Variants in MINDY4B observed in about 807,000 individuals in gnomAD.
MINDY4B encodes the protein MINDY family member 4B, also known as inactive ubiquitin carboxyl-terminal hydrolase MINDY-4B.
MINDY4B carries 25 observed loss-of-function variants against 16.7 expected under a neutral mutation model. The ratio of observed to expected loss-of-function variants is 1.49; its 90% CI spans 1.09 to 2.09. The LOEUF (loss-of-function observed/expected upper bound fraction) is 2.09. Among genes scored for constraint, MINDY4B ranks in the 30% most tolerant of loss-of-function variants. The pLI is 0.00. For synonymous variants in MINDY4B, 132 were observed against 61.9 expected (o/e 2.13, Z -5.32); for missense variants, 327 against 168.4 (o/e 1.94, Z -5.21).
At chr3:150,901,462 C>CA (rs1180607758) in intron 3 of MINDY4B, 1 of 151,590 alleles carries the variant, frequency 6.6e-6, no homozygotes, top group Non-Finnish European at 1.5e-5. Context: ...GGCATCTGAG[C>CA]AAAAAGAGGA....
At chr3:150,874,005 ATTTT>A (rs558319330) in intron 10 of MINDY4B, among the ~76,000 whole-genome samples, 4 of 81,994 alleles carry the variant, frequency 4.9e-5, no homozygotes, top group African/African-American at 1.9e-4. Flanking sequence ...TTTAGCCTTG[ATTTT>A]TTTTTTTTTT....
chr3:150,884,692 G>A (rs1165589801), intron 8 of MINDY4B, among the ~76,000 whole-genome samples: 2 of 152,152 alleles, frequency 1.3e-5, no homozygotes, highest in African/African-American at 2.4e-5. Context: ...CTGCCGCAGG[G>A]TTGTAATCCT....
intron 8 of MINDY4B, 89 bp from the exon 9 acceptor site, chr3:150,883,861 G>GT: frequency 1.5e-6 from 1 of 684,184 alleles, no homozygotes; most frequent in African/African-American, 1.8e-5. Flanking sequence ...CAAAGCAGCA[G>GT]TAACACGGGC....
At chr3:150,885,671 C>T (rs1275404176) in intron 7 of MINDY4B, among the ~76,000 whole-genome samples, 3 of 152,154 alleles carry the variant, frequency 2.0e-5, no homozygotes, top group Non-Finnish European at 4.4e-5. Context: ...ATCTTTTTGT[C>T]CTGCACTTCT....
chr3:150,873,916 C>T (rs1289021906), intron 10 of MINDY4B, among the ~76,000 whole-genome samples: 1 of 151,440 alleles, frequency 6.6e-6, no homozygotes, highest in African/African-American at 2.4e-5. Context: ...CATATATCTA[C>T]AGGTTAACAT....
At chr3:150,886,270 A>G (rs1345542294) in intron 7 of MINDY4B, among the ~76,000 whole-genome samples, 1 of 152,232 alleles carries the variant, frequency 6.6e-6, no homozygotes, top group African/African-American at 2.4e-5. Flanking sequence ...TGCAGAGTTA[A>G]AACATCTTCA....
At chr3:150,904,568 T>G (rs1278806604) in intron 2 of MINDY4B, among the ~76,000 whole-genome samples, 1 of 152,218 alleles carries the variant, frequency 6.6e-6, no homozygotes, top group Non-Finnish European at 1.5e-5. Context: ...CCTTTTCAGT[T>G]TACATGAGGT....
At position 150,873,481 on chromosome 3, in the gene MINDY4B, G is replaced by A. The variant is rs181927169; in HGVS notation, c.1060-114C>T. ...TCTGAGGTTTCTTGTTGCACTTGTC[G>A]CGTGCAGGGCACTGTACATAGAGCA... is the stretch of plus-strand genomic sequence containing the variant. On this transcript the variant is annotated intron_variant, in intron 10 of 11. Coordinates refer to ENST00000465419, the MANE Select transcript of MINDY4B (RefSeq NM_001351281.2). 6.0e-5 allele frequency: 37 copies of A among 620,390 alleles called. 1 individual carries two copies. Among genetic ancestry groups the A allele is most frequent in the East Asian group, 4.9e-4 (18 of 36,676 alleles). 38.4% of individuals were successfully genotyped at this position (620,390 alleles called of 1,614,324 possible).
chr3:150,884,028 G>A (rs972785716), intron 8 of MINDY4B, among the ~76,000 whole-genome samples: 39 of 152,212 alleles, frequency 2.6e-4, no homozygotes, highest in African/African-American at 9.4e-4. Flanking sequence ...CTGTGTGTGT[G>A]CTCTGGGTGG....
At position 150,873,375 on chromosome 3, in the gene MINDY4B, G is replaced by T; in HGVS notation, c.1060-8C>A. Reference sequence around the variant, plus strand: ...CTTCAGCATGCTGCCCACCTGGAAAGGGGAAGGGGAATGCAGATAAATATA... The same window carrying T: ...CTTCAGCATGCTGCCCACCTGGAAATGGGAAGGGGAATGCAGATAAATATA... On this transcript the variant is annotated splice_region_variant and splice_polypyrimidine_tract_variant and intron_variant, in intron 10 of 11. Coordinates refer to ENST00000465419, the MANE Select transcript of MINDY4B (RefSeq NM_001351281.2). The T allele has an allele frequency of 1.4e-6, 1 of 702,064 alleles. No homozygotes were observed. Among genetic ancestry groups the T allele is most frequent in the South Asian group, 1.5e-5 (1 of 67,382 alleles). The allele number at this position is 702,064 out of a possible 1,614,324, so 43.5% of individuals were successfully genotyped here.
Position 150,894,190 on chromosome 3 carries a change from C to T in MINDY4B, c.425G>A (p.Gly142Glu). 2.9e-6 allele frequency: 2 copies of T among 690,546 alleles called. No homozygotes were observed. Among genetic ancestry groups the T allele is most frequent in the South Asian group, 3.1e-5 (2 of 64,876 alleles). The allele number at this position is 690,546 out of a possible 1,614,324, so 42.8% of individuals were successfully genotyped here. A position where few individuals can be genotyped will look rare whatever the true frequency, so the allele number is the denominator to read the frequency against. Residue 142 changes from glycine (G) to glutamate (E), a missense_variant, in exon 4 of 12, where the codon GGA becomes GAA. By Grantham distance (98) the Gly-to-Glu change is moderately conservative. Transcript: ENST00000465419. ...SSELAFTLEV[G>E]KGGARSIQMA... ...AAATTATAAACTGGCTATTACCTTTCCCACTTCCAGAGTGAAAGCTAGTTC... is the reference window on the plus strand; with the variant it reads ...AAATTATAAACTGGCTATTACCTTTTCCACTTCCAGAGTGAAAGCTAGTTC...
intron 9 of MINDY4B, among the ~76,000 whole-genome samples, 165 bp downstream of exon 9, chr3:150,883,535 C>G (rs1330286936): frequency 1.3e-5 from 2 of 152,088 alleles, no homozygotes; most frequent in East Asian, 3.9e-4. Context: ...TGTCTTCATA[C>G]TCTTTCAAAG....
At chr3:150,878,538 A>G (rs1408003369) in intron 10 of MINDY4B, among the ~76,000 whole-genome samples, 1 of 152,252 alleles carries the variant, frequency 6.6e-6, no homozygotes, top group African/African-American at 2.4e-5. Context: ...GGCAGAATTC[A>G]TAGGTATCTC....
At chr3:150,887,131 G>A (rs1206769660) in intron 7 of MINDY4B, among the ~76,000 whole-genome samples, 1 of 152,152 alleles carries the variant, frequency 6.6e-6, no homozygotes, top group Non-Finnish European at 1.5e-5. Context: ...TCATTATTAA[G>A]TAAAATAAGG....
chr3:150,903,479 ATTTTCTCT>A, intron 2 of MINDY4B, 63 bp from the exon 3 acceptor site: 2 of 398,074 alleles, frequency 5.0e-6, no homozygotes, highest in South Asian at 1.3e-4. Context: ...CTTGTTTTAA[ATTTTCTCT>A]TTTTCTCTCT....
intron 3 of MINDY4B, among the ~76,000 whole-genome samples, chr3:150,896,195 A>G (rs1711955120): frequency 6.6e-6 from 1 of 152,064 alleles, no homozygotes; most frequent in South Asian, 2.1e-4. Flanking sequence ...GCATTTCTAG[A>G]AGTGTGTCCA....
chr3:150,889,922 A>G (rs1270723270), intron 7 of MINDY4B, among the ~76,000 whole-genome samples: 3 of 152,220 alleles, frequency 2.0e-5, no homozygotes, highest in Non-Finnish European at 2.9e-5. Context: ...CAAGAAGCCA[A>G]TTACTTGGAG....
intron 7 of MINDY4B, among the ~76,000 whole-genome samples, chr3:150,888,697 G>A (rs948428715): frequency 3.9e-5 from 6 of 152,202 alleles, no homozygotes; most frequent in East Asian, 1.9e-4. Flanking sequence ...CTAAGGTAAT[G>A]TTTAGCTCTC....
At chr3:150,901,765 C>A (rs1481775104) in intron 3 of MINDY4B, among the ~76,000 whole-genome samples, 1 of 151,990 alleles carries the variant, frequency 6.6e-6, no homozygotes, top group Non-Finnish European at 1.5e-5. Context: ...AAGCAATCCC[C>A]CTGCCTCAGC....
Sources: gnomAD v4.1 joint callset for allele counts (sites outside exome capture counted in the v4.1 genomes callset) on GRCh38, gnomAD v4.1.1 for gene constraint, MANE v1.5 for transcripts, NCBI Gene and HGNC (gene_info 2026-07-23, HGNC 2026-07-21) for gene names.